Variants in TP53BP2 observed in about 807,000 individuals in gnomAD.
TP53BP2 encodes apoptosis-stimulating of p53 protein 2.
In TP53BP2, 62 loss-of-function variants were observed where a neutral mutation model predicts 126.2. The observed-to-expected ratio is 0.49, with a 90% CI of 0.40 to 0.61. The LOEUF is 0.61. Ranked by LOEUF, TP53BP2 falls within the 20% of genes least tolerant of loss-of-function variation. The pLI is 0.00. For synonymous variants in TP53BP2, 485 were observed against 502.9 expected, an observed-to-expected ratio of 0.96 and a Z score of 0.48; for missense variants, 1,215 against 1,402.8, an observed-to-expected ratio of 0.87 and a Z score of 2.14.
At chr1:223,821,137 A>C in intron 2 of TP53BP2, 83 bp downstream of exon 2, 2 of 1,545,856 alleles carry the variant, frequency 1.3e-6, no homozygotes, top group Non-Finnish European at 1.8e-6. Context: ...GAGAAACATG[A>C]GCATTCACAC....
chr1:223,825,161 T>C (rs534601691), intron 1 of TP53BP2, among the ~76,000 whole-genome samples: 1 of 152,160 alleles, frequency 6.6e-6, no homozygotes, highest in Non-Finnish European at 1.5e-5. Context: ...TACTAGAAAG[T>C]AAGCTCCATA....
At chr1:223,793,778 T>C (rs1197913849) in intron 13 of TP53BP2, among the ~76,000 whole-genome samples, 1 of 152,156 alleles carries the variant, frequency 6.6e-6, no homozygotes, top group Non-Finnish European at 1.5e-5. Context: ...CTGTCAAGTA[T>C]CAGAATTAGC....
At chr1:223,794,537 T>C (rs1352740792) in intron 13 of TP53BP2, among the ~76,000 whole-genome samples, 1 of 152,234 alleles carries the variant, frequency 6.6e-6, no homozygotes, top group Admixed American at 6.5e-5. Context: ...CAGCAGAATC[T>C]TAAAAAGAAA....
chr1:223,828,274 T>G (rs578190717), intron 1 of TP53BP2, among the ~76,000 whole-genome samples: 1 of 152,186 alleles, frequency 6.6e-6, no homozygotes, highest in African/African-American at 2.4e-5. Context: ...TATCCTATTA[T>G]GCATACACAT....
chr1:223,786,698 C>T (rs1464212811), intron 16 of TP53BP2, among the ~76,000 whole-genome samples: 2 of 151,650 alleles, frequency 1.3e-5, no homozygotes, highest in Admixed American at 6.6e-5. Flanking sequence ...GTTCCTCCTC[C>T]GGGGTTCACG....
At chr1:223,836,232 C>T (rs190386892) in intron 1 of TP53BP2, among the ~76,000 whole-genome samples, 10 of 152,274 alleles carry the variant, frequency 6.6e-5, no homozygotes, top group East Asian at 3.9e-4. Flanking sequence ...TCCGATGGAG[C>T]GGAGCACGTC....
At chr1:223,824,822 C>T (rs1192208117) in intron 1 of TP53BP2, among the ~76,000 whole-genome samples, 1 of 152,006 alleles carries the variant, frequency 6.6e-6, no homozygotes, top group African/African-American at 2.4e-5. Context: ...ACTCTGTGCT[C>T]TATCAGCGTC....
In TP53BP2 at chr1:223,793,388, A is replaced by G. The variant is rs757948235; in HGVS notation, c.2777T>C (p.Met926Thr). 2 of 1,610,760 alleles carry G rather than the reference A, an allele frequency of 1.2e-6. No individual in the cohort carries two copies. Among genetic ancestry groups the G allele is most frequent in the Non-Finnish European group, 1.7e-6 (2 of 1,178,628 alleles). Residue 926 changes from methionine (M) to threonine (T), a missense_variant, in exon 14 of 18, where the codon ATG (methionine) becomes ACG (threonine). Physicochemically the swap from Met to Thr is moderately conservative, Grantham distance 81 (BLOSUM62 -1). This residue lies in a region of TP53BP2 where 204 missense variants were observed against 225.7 expected (regional missense o/e 0.90). Coordinates refer to ENST00000343537, the MANE Select transcript of TP53BP2 (RefSeq NM_001031685.3). ...AGCAAGGGGGTTGAATTTCACCCTC[A>G]TTCCATGAGCGATACGCTCTGAGCC... is the stretch of plus-strand genomic sequence containing the variant. ...KTGSERIAHG[M>T]RVKFNPLALL...
rs3738370 is a variant in TP53BP2 at position 223,821,211 on chromosome 1, G to A, written c.175+9C>T. 0.085 allele frequency: 137,697 copies of A among 1,613,772 alleles called. 9,682 individuals carry two copies. Among genetic ancestry groups the A allele is most frequent in the African/African-American group, 0.33 (24,567 of 74,942 alleles). ...AGAACTAAAGCACGAGGCTGTCAGC[G>A]TCTCTCACCAGAGCCACACCACACT... On this transcript the variant is annotated intron_variant, in intron 2 of 17. Coordinates refer to ENST00000343537, the MANE Select transcript of TP53BP2 (RefSeq NM_001031685.3).
At chr1:223,798,700 C>T in intron 11 of TP53BP2, 23 bp from the exon 12 acceptor site, 1 of 1,545,660 alleles carries the variant, frequency 6.5e-7, no homozygotes, top group South Asian at 1.2e-5. Flanking sequence ...CATAAAAAGC[C>T]AGTTAAAATA....
chr1:223,808,899 T>C (rs1184877162), intron 4 of TP53BP2, among the ~76,000 whole-genome samples: 7 of 152,006 alleles, frequency 4.6e-5, no homozygotes, highest in African/African-American at 1.7e-4. Flanking sequence ...GAAATACAAA[T>C]TAAAACCACA....
At chr1:223,799,442 G>C (rs1470231931) in intron 11 of TP53BP2, among the ~76,000 whole-genome samples, 1 of 152,068 alleles carries the variant, frequency 6.6e-6, no homozygotes, top group Non-Finnish European at 1.5e-5. Flanking sequence ...TATTCAGATG[G>C]CATCAATAAT....
At chr1:223,790,295 A>G (rs1041984728) in intron 15 of TP53BP2, among the ~76,000 whole-genome samples, 11 of 151,690 alleles carry the variant, frequency 7.3e-5, no homozygotes, top group African/African-American at 2.7e-4. Context: ...AGTGACTCAC[A>G]CCTGTAATCC....
chr1:223,816,832 T>C lies in TP53BP2; in HGVS notation c.176-2479A>G, dbSNP rs558168973. Reference sequence around the variant, plus strand: ...ATGGGTATCCCATAACATCATGTTGTATACCTTAAATATACACATTAAAAA... The same window carrying C: ...ATGGGTATCCCATAACATCATGTTGCATACCTTAAATATACACATTAAAAA... On this transcript the variant is annotated intron_variant, in intron 2 of 17. Transcript: ENST00000343537. Among the ~76,000 whole-genome samples, 272 of 151,724 alleles carry C rather than the reference T, an allele frequency of 1.8e-3. 1 individual carries two copies. The highest frequency in any genetic ancestry group is 6.4e-3 in the African/African-American group (263 of 41,346).
chr1:223,782,424 G>C (rs919975654), intron 17 of TP53BP2, among the ~76,000 whole-genome samples: 3 of 152,206 alleles, frequency 2.0e-5, no homozygotes, highest in Non-Finnish European at 2.9e-5. Context: ...TCTAGTGCTA[G>C]AGACTCTGGA....
At chr1:223,821,080 C>T in intron 2 of TP53BP2, 140 bp downstream of exon 2, 1 of 1,061,358 alleles carries the variant, frequency 9.4e-7, no homozygotes, top group Non-Finnish European at 1.4e-6. Context: ...AAAGCTGGAT[C>T]AGGAACACTA....
At chr1:223,818,728 T>C (rs1369926607) in intron 2 of TP53BP2, among the ~76,000 whole-genome samples, 1 of 150,670 alleles carries the variant, frequency 6.6e-6, no homozygotes, top group African/African-American at 2.4e-5. Context: ...GTGTCCACCA[T>C]CATGCCTGGC....
chr1:223,792,250 C>A (rs868198777), intron 15 of TP53BP2, 139 bp downstream of exon 15: 2 of 942,326 alleles, frequency 2.1e-6, no homozygotes, highest in Non-Finnish European at 3.1e-6. Flanking sequence ...AAAATAGATA[C>A]CACATTTCTC....
intron 16 of TP53BP2, among the ~76,000 whole-genome samples, chr1:223,786,612 T>TGTGTA (rs1661971865): frequency 2.1e-5 from 2 of 96,362 alleles, no homozygotes; most frequent in African/African-American, 8.9e-5. Flanking sequence ...GTGTGTATAT[T>TGTGTA]TTTTTTTCCC....
Sources: allele counts gnomAD v4.1 joint callset (sites outside exome capture counted in the v4.1 genomes callset), GRCh38; gene constraint gnomAD v4.1.1; regional missense constraint gnomAD v4.1.1; transcripts MANE v1.5; gene names NCBI Gene and HGNC (gene_info 2026-07-23, HGNC 2026-07-21).